GRIK4: variants seen among roughly 807,000 people sequenced by gnomAD.
The protein encoded by GRIK4 is glutamate ionotropic receptor kainate type subunit 4.
In GRIK4, 40 loss-of-function variants were observed where a neutral mutation model predicts 104.9. The ratio of observed to expected loss-of-function variants is 0.38; its 90% CI spans 0.30 to 0.50. GRIK4 has a LOEUF of 0.50. GRIK4 is among the 20% of genes least tolerant of loss of function. The probability of loss-of-function intolerance (pLI) is 0.93; values close to 1 mark genes in which losing one functional copy is unlikely to be tolerated. For synonymous variants in GRIK4, 485 were observed against 524.9 expected (o/e 0.92, Z 1.04); for missense variants, 1,047 against 1,308.1 (o/e 0.80, Z 3.08).
At chr11:120,898,683 G>T (rs1398774471) in intron 12 of GRIK4, 44 bp downstream of exon 12, 9 of 1,096,848 alleles carry the variant, frequency 8.2e-6, no homozygotes, top group Non-Finnish European at 1.3e-5. Context: ...ATCCTGGGGT[G>T]CCTCCCCGGC....
intron 8 of GRIK4, chr11:120,858,269 G>A (rs908364254): frequency 1.3e-5 from 2 of 152,130 alleles, no homozygotes; most frequent in African/African-American, 2.4e-5. Flanking sequence ...GGTGGGCAGC[G>A]GAAACTGGGT....
At chr11:120,970,216 A>G (rs573370136) in intron 19 of GRIK4, among the ~76,000 whole-genome samples, 2 of 152,306 alleles carry the variant, frequency 1.3e-5, no homozygotes, top group South Asian at 4.1e-4. Flanking sequence ...GCTCACACTC[A>G]GTTGTTCCTC....
At chr11:120,961,131 T>A in intron 17 of GRIK4, 57 bp downstream of exon 17, 1 of 1,468,280 alleles carries the variant, frequency 6.8e-7, no homozygotes, top group Non-Finnish European at 9.5e-7. Flanking sequence ...AAAGTTGAGA[T>A]GTTTCTCTGC....
At chr11:120,958,851 T>G (rs1944225767) in intron 16 of GRIK4, among the ~76,000 whole-genome samples, 1 of 152,028 alleles carries the variant, frequency 6.6e-6, no homozygotes. Flanking sequence ...AGCTGCAGAG[T>G]GCTGGCTTCC....
intron 18 of GRIK4, among the ~76,000 whole-genome samples, chr11:120,966,760 G>A (rs1031041855): frequency 6.6e-6 from 1 of 152,222 alleles, no homozygotes; most frequent in Non-Finnish European, 1.5e-5. Flanking sequence ...CTTCCTGGAG[G>A]TGGATGGGAT....
intron 13 of GRIK4, among the ~76,000 whole-genome samples, chr11:120,921,165 T>C (rs1312538958): frequency 2.0e-5 from 3 of 152,242 alleles, no homozygotes; most frequent in African/African-American, 7.2e-5. Flanking sequence ...CCCTGTTTTA[T>C]GATCTTCAAA....
intron 19 of GRIK4, among the ~76,000 whole-genome samples, chr11:120,974,122 G>A (rs2134772872): frequency 6.6e-6 from 1 of 152,168 alleles, no homozygotes; most frequent in East Asian, 1.9e-4. Flanking sequence ...TGGCCAGGCT[G>A]GTCTCGAACT....
chr11:120,517,191 T>TC (rs2136070420), intron 1 of GRIK4, among the ~76,000 whole-genome samples: 1 of 149,390 alleles, frequency 6.7e-6, no homozygotes, highest in South Asian at 2.1e-4. Flanking sequence ...CACTGAGCTA[T>TC]CCCTAGTGCT....
rs776440015 is a variant in GRIK4, at chr11:120,889,588, C to CTTTTTTTTTTTTTT, written c.1165-8944_1165-8943insTTTTTTTTTTTTTT. Among the ~76,000 whole-genome samples the CTTTTTTTTTTTTTT allele has an allele frequency of 1.2e-3, 79 of 67,132 alleles. 9 individuals carry two copies. The highest frequency in any genetic ancestry group is 3.7e-3 in the South Asian group (6 of 1,620). 44.0% of individuals were successfully genotyped at this position (67,132 alleles called of 152,430 possible). A position where few individuals can be genotyped will look rare whatever the true frequency, so the allele number is the denominator to read the frequency against. ...AATAGAATAAAATAGAAAGAGCTTA[C>CTTTTTTTTTTTTTT]ATTTTTTTTTTTTTTTTTTTTTTTT... is the stretch of plus-strand genomic sequence containing the variant. On this transcript the variant is annotated intron_variant, in intron 11 of 20. Coordinates refer to ENST00000527524, the MANE Select transcript of GRIK4 (RefSeq NM_014619.5).
chr11:120,876,557 A>G, intron 11 of GRIK4, among the ~76,000 whole-genome samples: 1 of 151,120 alleles, frequency 6.6e-6, no homozygotes, highest in Non-Finnish European at 1.5e-5. Context: ...TGAGCCTTAT[A>G]CCATGTTAAG....
At chr11:120,625,870 C>T (rs4312073) in intron 1 of GRIK4, among the ~76,000 whole-genome samples, 4,070 of 151,822 alleles carry the variant, frequency 0.027, 152 homozygotes, top group African/African-American at 0.087. Context: ...GATGGCCACC[C>T]GTGCCCCACC....
At chr11:120,632,029 C>T (rs1249322846) in intron 1 of GRIK4, among the ~76,000 whole-genome samples, 1 of 152,180 alleles carries the variant, frequency 6.6e-6, no homozygotes, top group Non-Finnish European at 1.5e-5. Context: ...AATGGCAGTA[C>T]CCACTGCTGT....
At chr11:120,597,208 C>T (rs1948814436) in intron 1 of GRIK4, among the ~76,000 whole-genome samples, 1 of 151,984 alleles carries the variant, frequency 6.6e-6, no homozygotes, top group Non-Finnish European at 1.5e-5. Flanking sequence ...CAGCTCCACT[C>T]ACCTTGCGGG....
intron 3 of GRIK4, among the ~76,000 whole-genome samples, chr11:120,682,073 G>T (rs140403543): frequency 4.5e-4 from 69 of 152,314 alleles, no homozygotes; most frequent in Middle Eastern, 3.4e-3. Flanking sequence ...GATAAAAACA[G>T]CCCTCCCTGG....
rs192469030 is a variant in GRIK4, at chr11:120,923,604, G to A, written c.1477-16743G>A. 1.7e-3 allele frequency among the ~76,000 whole-genome samples: 263 copies of A among 151,854 alleles called. 5 individuals carry two copies. Among genetic ancestry groups the A allele is most frequent in the Admixed American group, 0.011 (165 of 15,238 alleles). On this transcript the variant is annotated intron_variant, in intron 13 of 20. Transcript: ENST00000527524. The stretch of plus-strand genomic sequence containing the variant: ...ATTTTTTTGTATTTGTAGTAGAGAC[G>A]GGGTTTCACCCTGTTAGCCAGGATG...
rs2298725 is a variant in GRIK4 at position 120,952,899 on chromosome 11, G to A, written c.1635G>A (p.Pro545=). ...GYFSFLDPFS[P]GVWLFMLLAY... is the part of the protein sequence containing the mutation. ...TCTCCTTCCTGGACCCATTTTCTCC[G>A]GGCGTCTGGCTCTTCATGCTTCTAG... is the stretch of plus-strand genomic sequence containing the variant. Residue 545 remains proline, a synonymous_variant, in exon 15 of 21, where the codon CCG becomes CCA. Coordinates refer to ENST00000527524, the MANE Select transcript of GRIK4 (RefSeq NM_014619.5). The surrounding 1 kb of genome is among the most constrained non-coding windows in gnomAD (Gnocchi z 5.2). 0.31 allele frequency: 501,656 copies of A among 1,612,432 alleles called. 81,266 individuals carry two copies. Among genetic ancestry groups the A allele is most frequent in the Admixed American group, 0.41 (24,743 of 59,978 alleles).
intron 1 of GRIK4, among the ~76,000 whole-genome samples, chr11:120,557,256 C>T (rs1472412600): frequency 6.6e-6 from 1 of 152,196 alleles, no homozygotes; most frequent in Non-Finnish European, 1.5e-5. Context: ...CTCTCGTGTT[C>T]AGCACACCAT....
chr11:120,593,570 C>T (rs974326271), intron 1 of GRIK4, among the ~76,000 whole-genome samples: 1 of 151,956 alleles, frequency 6.6e-6, no homozygotes, highest in African/African-American at 2.4e-5. Flanking sequence ...GTCTAAATGT[C>T]GGATGTCCCA....
intron 13 of GRIK4, among the ~76,000 whole-genome samples, chr11:120,917,847 C>T (rs575927899): frequency 6.6e-6 from 1 of 152,318 alleles, no homozygotes; most frequent in African/African-American, 2.4e-5. Flanking sequence ...TTTCCACCTT[C>T]CCCACTGAGC....
Sources: allele counts gnomAD v4.1 joint callset (sites outside exome capture counted in the v4.1 genomes callset), GRCh38; gene constraint gnomAD v4.1.1; non-coding constraint Gnocchi (gnomAD v3.1); transcripts MANE v1.5; gene names NCBI Gene and HGNC (gene_info 2026-07-23, HGNC 2026-07-21).